The following SV2C variants were observed in gnomAD, a reference collection of about 807,000 sequenced individuals.
SV2C encodes solute carrier family 22 member B3.
SV2C carries 49 observed loss-of-function variants against 79.7 expected under a neutral mutation model. That is an observed-to-expected ratio of 0.61 (90% CI 0.49 to 0.78). The LOEUF (loss-of-function observed/expected upper bound fraction) is 0.78. Ranked by LOEUF, SV2C falls within the 30% of genes least tolerant of loss-of-function variation. The pLI is 0.00. For synonymous variants in SV2C, 334 were observed against 333.2 expected (o/e 1.00, Z -0.03); for missense variants, 833 against 912.9 (o/e 0.91, Z 1.13).
chr5:76,332,265 G>C lies in SV2C; in HGVS notation c.*6718G>C, dbSNP rs1749208763. On this transcript the variant is annotated 3_prime_UTR_variant, in exon 13 of 13. Transcript: ENST00000502798. The stretch of plus-strand genomic sequence containing the variant: ...CTCAGACGGGTTTCAACTCAAGCGG[G>C]TAATCTACCCCAGCAGCAGGGGTGC... 1 of 152,172 alleles carries C rather than the reference G, an allele frequency of 6.6e-6. No individual in the cohort carries two copies. The allele number at this position is 152,172 out of a possible 1,614,324, so 9.4% of individuals were successfully genotyped here.
the SV2C span, among the ~76,000 whole-genome samples, chr5:75,906,486 G>A: frequency 4.7e-5 from 7 of 149,782 alleles, no homozygotes; most frequent in Middle Eastern, 3.4e-3. Context: ...CATCTTATTC[G>A]GTTAGAATAG....
chr5:76,018,374 C>A, the SV2C span, among the ~76,000 whole-genome samples: 1 of 152,092 alleles, frequency 6.6e-6, no homozygotes, highest in South Asian at 2.1e-4. Flanking sequence ...AATCACGGGC[C>A]TTTGTTTTCC....
At chr5:75,863,540 C>T in the SV2C span, among the ~76,000 whole-genome samples, 49 of 152,226 alleles carry the variant, frequency 3.2e-4, no homozygotes, top group Admixed American at 3.1e-3. Flanking sequence ...TCTGATTATC[C>T]ATGTGGAACA....
intron 8 of SV2C, 92 bp downstream of exon 8, chr5:76,291,948 A>G (rs1037857452): frequency 1.0e-4 from 97 of 950,494 alleles, no homozygotes; most frequent in Admixed American, 6.8e-4. Flanking sequence ...ATACTGCTTG[A>G]TGCTGTTAAC....
At chr5:75,978,764 A>G in the SV2C span, among the ~76,000 whole-genome samples, 1 of 152,190 alleles carries the variant, frequency 6.6e-6, no homozygotes, top group Non-Finnish European at 1.5e-5. Context: ...TATTTCAAGT[A>G]AAGAGGGTCT....
At chr5:75,956,670 C>G in the SV2C span, among the ~76,000 whole-genome samples, 2 of 151,854 alleles carry the variant, frequency 1.3e-5, no homozygotes, top group Non-Finnish European at 2.9e-5. Context: ...TCACCATCCC[C>G]GCAAGTATAC....
At chr5:76,032,297 T>C in the SV2C span, among the ~76,000 whole-genome samples, 4 of 152,128 alleles carry the variant, frequency 2.6e-5, no homozygotes, top group African/African-American at 9.7e-5. Flanking sequence ...ATGTGCACAA[T>C]GTGCAGTTAG....
intron 4 of SV2C, among the ~76,000 whole-genome samples, chr5:76,257,701 T>C (rs1746330433): frequency 1.3e-5 from 2 of 149,098 alleles, no homozygotes; most frequent in South Asian, 4.3e-4. Context: ...TGTATAGGTG[T>C]GTAGGTAGGT....
chr5:76,120,363 CTTT>C (rs911889334), intron 1 of SV2C, among the ~76,000 whole-genome samples: 1 of 144,186 alleles, frequency 6.9e-6, no homozygotes, highest in Non-Finnish European at 1.5e-5. Flanking sequence ...TTCTTTTTCT[CTTT>C]TTTTATTATT....
intron 2 of SV2C, among the ~76,000 whole-genome samples, chr5:76,183,030 A>ATAT (rs58317002): frequency 2.9e-5 from 3 of 102,072 alleles, no homozygotes; most frequent in Admixed American, 1.2e-4. Context: ...AGAACCTACC[A>ATAT]TTTTTTTTTT....
At chr5:76,033,568 C>T in the SV2C span, among the ~76,000 whole-genome samples, 23 of 152,222 alleles carry the variant, frequency 1.5e-4, no homozygotes, top group African/African-American at 4.6e-4. Context: ...AGATATTCAG[C>T]GTTATTTCTG....
rs560320391 is a variant in SV2C at position 76,131,597 on chromosome 5, A to AT, written c.-101-53_-101-52insT. ...AGAGGTCAAGAAATAGACGGTAAAA[A>AT]ATATATATATAGAAAGGAATAATAA... On this transcript the variant is annotated intron_variant, in intron 1 of 12. Coordinates refer to ENST00000502798, the MANE Select transcript of SV2C (RefSeq NM_014979.4). 8.6e-4 allele frequency: 416 copies of AT among 483,326 alleles called. 2 individuals are homozygous for AT. The highest frequency in any genetic ancestry group is 7.7e-3 in the African/African-American group (385 of 50,084). 29.9% of individuals were successfully genotyped at this position (483,326 alleles called of 1,614,324 possible).
At chr5:76,179,631 A>G (rs1743658766) in intron 2 of SV2C, among the ~76,000 whole-genome samples, 1 of 152,214 alleles carries the variant, frequency 6.6e-6, no homozygotes, top group African/African-American at 2.4e-5. Flanking sequence ...GGGATCGAGG[A>G]GCCCTCGTGT....
At chr5:76,114,705 G>A (rs907066364) in intron 1 of SV2C, among the ~76,000 whole-genome samples, 1 of 152,196 alleles carries the variant, frequency 6.6e-6, no homozygotes, top group Admixed American at 6.5e-5. Context: ...AGCAACAGCT[G>A]TAAACACTGG....
chr5:76,075,699 C>A, the SV2C span: 8 of 350,498 alleles, frequency 2.3e-5, no homozygotes, highest in Non-Finnish European at 4.7e-5. Context: ...AAGAAGTCTA[C>A]CCAGAAGCTA....
chr5:75,992,243 T>TA, the SV2C span, among the ~76,000 whole-genome samples: 1 of 152,060 alleles, frequency 6.6e-6, no homozygotes, highest in Non-Finnish European at 1.5e-5. Flanking sequence ...GCTCTGTTGA[T>TA]ATGATTTTTC....
rs148557767 is a variant in SV2C, at chr5:76,192,958, CTT to C, written c.581-1960_581-1959del. On this transcript the variant is annotated intron_variant, in intron 2 of 12. Transcript: ENST00000502798. ...CCTTCGGATTCCCCTCTGATGTTCT[CTT>C]GTTAGTAAAATCTTCCCAGAGGCCA... Among the ~76,000 whole-genome samples the C allele has an allele frequency of 8.5e-5, 13 of 152,294 alleles. No homozygotes were observed. In the East Asian group the frequency reaches 2.3e-3, roughly 27 times the overall value.
At chr5:76,323,263 A>G (rs941375023) in intron 12 of SV2C, among the ~76,000 whole-genome samples, 1 of 152,200 alleles carries the variant, frequency 6.6e-6, no homozygotes, top group Non-Finnish European at 1.5e-5. Flanking sequence ...AGACATTTAC[A>G]TGGCCAACAA....
At chr5:75,901,679 C>T in the SV2C span, among the ~76,000 whole-genome samples, 1 of 152,266 alleles carries the variant, frequency 6.6e-6, no homozygotes, top group South Asian at 2.1e-4. Context: ...TGTCTGTGCC[C>T]TGCCCCCAGA....
Sources: gnomAD v4.1 joint callset for allele counts (sites outside exome capture counted in the v4.1 genomes callset) on GRCh38, gnomAD v4.1.1 for gene constraint, MANE v1.5 for transcripts, NCBI Gene and HGNC (gene_info 2026-07-23, HGNC 2026-07-21) for gene names.